LRRIQ3: variants seen among roughly 807,000 people sequenced by gnomAD.
LRRIQ3 encodes leucine rich repeats and IQ motif containing 3, also known as leucine-rich repeat and IQ domain-containing protein 3.
In LRRIQ3, 75 loss-of-function variants were observed where a neutral mutation model predicts 59.3. That is an observed-to-expected ratio of 1.26 (90% CI 1.05 to 1.53). The LOEUF (loss-of-function observed/expected upper bound fraction) is 1.53, where lower values mean the gene tolerates loss of function less well. Ranked by LOEUF, LRRIQ3 falls within the 40% of genes most tolerant of loss-of-function variation. LRRIQ3 has a pLI of 0.00. For missense variants in LRRIQ3, 831 were observed against 710.0 expected (o/e 1.17, Z -1.94); for synonymous variants, 250 against 231.3 (o/e 1.08, Z -0.73).
At chr1:74,187,353 T>TACAC (rs58321456) in intron 1 of LRRIQ3, among the ~76,000 whole-genome samples, 48 of 55,390 alleles carry the variant, frequency 8.7e-4, no homozygotes, top group Middle Eastern at 8.2e-3. Flanking sequence ...GGTATATGTT[T>TACAC]ACACACACAC....
At chr1:74,175,555 T>G (rs1649588617) in intron 3 of LRRIQ3, among the ~76,000 whole-genome samples, 1 of 152,110 alleles carries the variant, frequency 6.6e-6, no homozygotes, top group Admixed American at 6.6e-5. Flanking sequence ...GGGGAAAGGG[T>G]GACACAAGTA....
Position 74,074,745 on chromosome 1 carries a change from T to C in LRRIQ3, c.913A>G (p.Lys305Glu). Residue 305 changes from lysine (K) to glutamate (E), a missense_variant, in exon 6 of 8, where the codon AAA becomes GAA. Coordinates refer to ENST00000354431, the MANE Select transcript of LRRIQ3 (RefSeq NM_001105659.2). Reference sequence around the variant, plus strand: ...TCACATAAAATAGATGACACATGTTTTCTGTGTTCACTGGAATTTTTTAAA... The same window carrying C: ...TCACATAAAATAGATGACACATGTTCTCTGTGTTCACTGGAATTTTTTAAA... Reference protein sequence around the residue: ...VDLKNSSEHRKHVSSILCELK... With the variant: ...VDLKNSSEHREHVSSILCELK... The C allele has an allele frequency of 7.0e-7, 1 of 1,432,386 alleles. No homozygotes were observed. The highest frequency in any genetic ancestry group is 1.5e-5 in the South Asian group (1 of 68,666). 88.7% of individuals were successfully genotyped at this position (1,432,386 alleles called of 1,614,324 possible). A position where few individuals can be genotyped will look rare whatever the true frequency, so the allele number is the denominator to read the frequency against.
At chr1:74,111,759 C>G (rs1343883888) in intron 4 of LRRIQ3, among the ~76,000 whole-genome samples, 2 of 152,112 alleles carry the variant, frequency 1.3e-5, no homozygotes, top group Non-Finnish European at 2.9e-5. Flanking sequence ...TTCCTCCCTT[C>G]CTCCCTCAAC....
intron 4 of LRRIQ3, among the ~76,000 whole-genome samples, chr1:74,114,398 TAA>T (rs1187456916): frequency 2.0e-5 from 3 of 151,962 alleles, no homozygotes; most frequent in African/African-American, 7.2e-5. Context: ...TCACTAGACT[TAA>T]GTTAGTATAA....
chr1:74,122,972 G>C (rs943122084), intron 4 of LRRIQ3, among the ~76,000 whole-genome samples: 1 of 151,896 alleles, frequency 6.6e-6, no homozygotes, highest in African/African-American at 2.4e-5. Flanking sequence ...TGAACTTCTC[G>C]TTACTTTTCT....
At chr1:74,121,186 T>C (rs992588781) in intron 4 of LRRIQ3, among the ~76,000 whole-genome samples, 1 of 152,156 alleles carries the variant, frequency 6.6e-6, no homozygotes, top group Non-Finnish European at 1.5e-5. Flanking sequence ...ATTCATTATT[T>C]TATTGTTTGC....
intron 5 of LRRIQ3, among the ~76,000 whole-genome samples, chr1:74,107,006 G>C (rs534183922): frequency 6.6e-6 from 1 of 151,750 alleles, no homozygotes; most frequent in Non-Finnish European, 1.5e-5. Context: ...CACTCCTCAC[G>C]GCTTCTGACT....
chr1:74,080,560 G>A (rs1462082289), intron 5 of LRRIQ3, among the ~76,000 whole-genome samples: 1 of 151,614 alleles, frequency 6.6e-6, no homozygotes, highest in Admixed American at 6.6e-5. Flanking sequence ...TCAAATTCAA[G>A]GTGCATTTTC....
At chr1:74,133,642 C>T (rs1432177438) in intron 4 of LRRIQ3, among the ~76,000 whole-genome samples, 2 of 142,756 alleles carry the variant, frequency 1.4e-5, no homozygotes, top group Non-Finnish European at 3.0e-5. Flanking sequence ...TGTTCTCACT[C>T]ATAGGTGGGA....
chr1:74,070,652 T>C (rs977392060), intron 6 of LRRIQ3, among the ~76,000 whole-genome samples: 4 of 151,856 alleles, frequency 2.6e-5, no homozygotes, highest in African/African-American at 9.7e-5. Flanking sequence ...ATATATATAA[T>C]TGTGTGTATA....
At position 74,198,022 on chromosome 1, in the gene LRRIQ3, T is replaced by A; in HGVS notation, c.-27A>T. 1 of 651,160 alleles carries A rather than the reference T, an allele frequency of 1.5e-6. No individual in the cohort carries two copies. Among genetic ancestry groups the A allele is most frequent in the Non-Finnish European group, 2.5e-6 (1 of 406,914 alleles). The allele number at this position is 651,160 out of a possible 1,614,324, so 40.3% of individuals were successfully genotyped here. Reference sequence around the variant, plus strand: ...GGGTCAACTGGGCTGCAAGCCCTTATGAGTTGGAGACAAGTGGCCCAGCCC... The same window carrying A: ...GGGTCAACTGGGCTGCAAGCCCTTAAGAGTTGGAGACAAGTGGCCCAGCCC... On this transcript the variant is annotated 5_prime_UTR_variant, in exon 1 of 8. Transcript: ENST00000354431.
intron 4 of LRRIQ3, among the ~76,000 whole-genome samples, chr1:74,123,748 G>T (rs1247505123): frequency 1.3e-5 from 2 of 151,962 alleles, no homozygotes; most frequent in Admixed American, 6.6e-5. Flanking sequence ...TGGCTATGGT[G>T]AATATTGCCA....
At chr1:74,046,544 G>T (rs1003923204) in intron 6 of LRRIQ3, among the ~76,000 whole-genome samples, 2 of 152,030 alleles carry the variant, frequency 1.3e-5, no homozygotes, top group Non-Finnish European at 2.9e-5. Flanking sequence ...ATGGGCAAAG[G>T]CTTCATGACT....
intron 4 of LRRIQ3, among the ~76,000 whole-genome samples, chr1:74,137,945 G>A (rs1298786796): frequency 6.6e-6 from 1 of 151,730 alleles, no homozygotes; most frequent in Non-Finnish European, 1.5e-5. Flanking sequence ...CCTGTCAGGG[G>A]GTGGGAGGGT....
chr1:74,136,552 A>G, intron 4 of LRRIQ3, among the ~76,000 whole-genome samples: 1 of 152,028 alleles, frequency 6.6e-6, no homozygotes, highest in South Asian at 2.1e-4. Flanking sequence ...ATCTAATTAT[A>G]TATATATTAG....
chr1:74,139,116 ATG>A (rs1303002277), intron 4 of LRRIQ3, among the ~76,000 whole-genome samples: 16 of 50,832 alleles, frequency 3.1e-4, no homozygotes, highest in African/African-American at 5.2e-4. Flanking sequence ...ACATATATGT[ATG>A]TGTGTGTGTA....
In LRRIQ3 at chr1:74,182,662, G is replaced by A. The variant is rs773633753; in HGVS notation, c.449C>T (p.Pro150Leu). The A allele has an allele frequency of 2.5e-6, 4 of 1,611,916 alleles. No individual in the cohort carries two copies. Among genetic ancestry groups the A allele is most frequent in the Middle Eastern group, 1.7e-4 (1 of 6,054 alleles). The change falls in exon 3 of 8, where the codon CCT (proline) becomes CTT (leucine). Residue 150 changes from proline (P) to leucine (L), a missense_variant. Pro to Leu is a moderately conservative substitution (Grantham distance 98). Transcript: ENST00000354431. ...CACATGATGATCCAGCGCTTTGAGAGGCCATATACTGTTAACAAGAACATG... is the reference window on the plus strand; with the variant it reads ...CACATGATGATCCAGCGCTTTGAGAAGCCATATACTGTTAACAAGAACATG... ...YRHVLVNSIW[P>L]LKALDHHVIS...
chr1:74,103,792 C>G (rs999495074), intron 5 of LRRIQ3, among the ~76,000 whole-genome samples: 2 of 151,266 alleles, frequency 1.3e-5, no homozygotes, highest in African/African-American at 4.9e-5. Flanking sequence ...GTCCTTCCCC[C>G]CCCCGCCATA....
chr1:74,105,135 T>C (rs2100551377), intron 5 of LRRIQ3, among the ~76,000 whole-genome samples: 1 of 152,176 alleles, frequency 6.6e-6, no homozygotes, highest in African/African-American at 2.4e-5. Flanking sequence ...TTTAAAAAGA[T>C]GTATAAACCT....
Sources: allele counts gnomAD v4.1 joint callset (sites outside exome capture counted in the v4.1 genomes callset), GRCh38; gene constraint gnomAD v4.1.1; transcripts MANE v1.5; gene names NCBI Gene and HGNC (gene_info 2026-07-23, HGNC 2026-07-21).